The following JARID2 variants were observed in gnomAD, a reference collection of about 807,000 sequenced individuals.
JARID2 encodes the protein jumonji and AT-rich interaction domain containing 2.
JARID2 carries 21 observed loss-of-function variants against 125.6 expected under a neutral mutation model. The observed-to-expected ratio is 0.17, with a 90% CI of 0.12 to 0.24. The LOEUF is 0.24. Ranked by LOEUF, JARID2 falls within the 10% of genes least tolerant of loss-of-function variation. The pLI, the probability that JARID2 is intolerant of heterozygous loss-of-function variation, is 1.00. For synonymous variants in JARID2, 736 were observed against 661.6 expected (o/e 1.11, Z -1.73); for missense variants, 1,303 against 1,639.6 (o/e 0.79, Z 3.55).
chr6:15,507,376 T>C lies in JARID2; in HGVS notation c.2691T>C (p.Asn897=), dbSNP rs1000944394. 1.2e-6 allele frequency: 2 copies of C among 1,614,116 alleles called. No individual in the cohort carries two copies. Among genetic ancestry groups the C allele is most frequent in the Non-Finnish European group, 1.7e-6 (2 of 1,180,002 alleles). The change falls in exon 11 of 18, where the codon AAT becomes AAC. Residue 897 remains asparagine, a synonymous_variant. Coordinates refer to ENST00000341776, the MANE Select transcript of JARID2 (RefSeq NM_004973.4). ...GATGGAACCTCACCGTCCTCCCCAA[T>C]AACACAGGGTCCATCCTGCGTCACC... ...RHGWNLTVLP[N]NTGSILRHLG... is the part of the protein sequence containing the mutation.
At chr6:15,275,155 C>G (rs1172508311) in intron 1 of JARID2, among the ~76,000 whole-genome samples, 1 of 152,118 alleles carries the variant, frequency 6.6e-6, no homozygotes, top group Non-Finnish European at 1.5e-5. Flanking sequence ...TCTCTCCTTG[C>G]AAAATGTTTC....
intron 4 of JARID2, among the ~76,000 whole-genome samples, chr6:15,467,010 G>A (rs1393093526): frequency 1.3e-5 from 2 of 152,194 alleles, no homozygotes; most frequent in South Asian, 2.1e-4. Context: ...TCTTTTTGCC[G>A]ACTGTATCCC....
Position 15,496,544 on chromosome 6 carries a change from C to T in JARID2, c.1319C>T (p.Ser440Phe). 6.2e-7 allele frequency: 1 copy of T among 1,608,194 alleles called. No homozygotes were observed. The highest frequency in any genetic ancestry group is 8.5e-7 in the Non-Finnish European group (1 of 1,178,204). ...CAGCTGCGGGAGGGGCTGCGGAACTCCAAGAGGAGACTGGAAGAGGCACAC... is the reference window on the plus strand; with the variant it reads ...CAGCTGCGGGAGGGGCTGCGGAACTTCAAGAGGAGACTGGAAGAGGCACAC... The part of the protein sequence containing the change: ...GLQLREGLRN[S>F]KRRLEEAHQA... Residue 440 changes from serine to phenylalanine, a missense_variant, in exon 7 of 18, where the codon TCC becomes TTC. By Grantham distance (155) the Ser-to-Phe change is radical. Transcript: ENST00000341776.
intron 2 of JARID2, among the ~76,000 whole-genome samples, chr6:15,403,246 GT>G (rs1561839272): frequency 6.6e-6 from 1 of 152,100 alleles, no homozygotes; most frequent in African/African-American, 2.4e-5. Flanking sequence ...TTTGTGAGAG[GT>G]TTTGTGTTGA....
intron 1 of JARID2, among the ~76,000 whole-genome samples, chr6:15,320,848 CTCTCTGTGTGTGTGTG>C (rs1266128674): frequency 7.4e-6 from 1 of 135,044 alleles, no homozygotes; most frequent in African/African-American, 2.8e-5. Flanking sequence ...TTCTCTCTCT[CTCTCTGTGTGTGTGTG>C]TGTGTGTGTG....
intron 1 of JARID2, among the ~76,000 whole-genome samples, chr6:15,317,373 G>T (rs1762213986): frequency 6.6e-6 from 1 of 152,188 alleles, no homozygotes; most frequent in South Asian, 2.1e-4. Flanking sequence ...TTGTGTAACT[G>T]AGAGTCATTT....
chr6:15,493,281 A>G (rs1198799699), intron 6 of JARID2, among the ~76,000 whole-genome samples: 1 of 152,162 alleles, frequency 6.6e-6, no homozygotes, highest in Non-Finnish European at 1.5e-5. Context: ...CCCTTTCTTG[A>G]TCCTCACCAA....
At chr6:15,362,534 A>G (rs368692475) in intron 1 of JARID2, among the ~76,000 whole-genome samples, 13 of 152,332 alleles carry the variant, frequency 8.5e-5, no homozygotes, top group East Asian at 7.7e-4. Context: ...TTTTGCCCCT[A>G]TGAGATGCTC....
At chr6:15,459,136 A>G (rs750126112) in intron 4 of JARID2, among the ~76,000 whole-genome samples, 5 of 152,226 alleles carry the variant, frequency 3.3e-5, no homozygotes, top group African/African-American at 1.2e-4. Flanking sequence ...AGTCTATAGC[A>G]CATAGTTGTT....
chr6:15,449,341 C>T (rs1581580123), intron 3 of JARID2, among the ~76,000 whole-genome samples: 1 of 152,250 alleles, frequency 6.6e-6, no homozygotes, highest in East Asian at 1.9e-4. Context: ...ATCAGTTATT[C>T]CTGGGTTCTA....
At chr6:15,411,064 T>C (rs1028895587) in intron 3 of JARID2, among the ~76,000 whole-genome samples, 1 of 152,342 alleles carries the variant, frequency 6.6e-6, no homozygotes, top group East Asian at 1.9e-4. Context: ...ATACCTGATA[T>C]GTTACTTCCT....
chr6:15,437,681 G>C (rs1008135831), intron 3 of JARID2, among the ~76,000 whole-genome samples: 13 of 152,092 alleles, frequency 8.5e-5, no homozygotes, highest in African/African-American at 2.4e-5. Flanking sequence ...AAAGAAATGT[G>C]ACTCTAAGAG....
At chr6:15,511,190 G>C in intron 12 of JARID2, 106 bp from the exon 13 acceptor site, 2 of 685,866 alleles carry the variant, frequency 2.9e-6, no homozygotes, top group South Asian at 1.5e-5. Context: ...GCGTGGAGCA[G>C]AGCCTCTCGT....
chr6:15,317,618 A>T (rs955480843), intron 1 of JARID2, among the ~76,000 whole-genome samples: 2 of 151,332 alleles, frequency 1.3e-5, no homozygotes, highest in African/African-American at 4.9e-5. Context: ...ATGGGTCCAT[A>T]GTCCACTGCC....
intron 2 of JARID2, among the ~76,000 whole-genome samples, chr6:15,392,566 C>T (rs187914185): frequency 6.6e-6 from 1 of 152,090 alleles, no homozygotes; most frequent in East Asian, 1.9e-4. Flanking sequence ...CATTGCTACC[C>T]ATTAGAACTG....
At chr6:15,408,657 A>G (rs981412556) in intron 2 of JARID2, among the ~76,000 whole-genome samples, 4 of 152,268 alleles carry the variant, frequency 2.6e-5, no homozygotes, top group African/African-American at 2.4e-5. Flanking sequence ...CACAATTAAT[A>G]CAACATTGTC....
chr6:15,452,303 G>T, intron 4 of JARID2, 128 bp downstream of exon 4: 13 of 1,353,646 alleles, frequency 9.6e-6, no homozygotes, highest in Admixed American at 3.0e-5. Flanking sequence ...GGTTGAGGGG[G>T]AATTGAAAGT....
At chr6:15,252,474 T>G (rs561057513) in intron 1 of JARID2, among the ~76,000 whole-genome samples, 1 of 152,240 alleles carries the variant, frequency 6.6e-6, no homozygotes, top group East Asian at 1.9e-4. Context: ...ACATGTAAAG[T>G]GTGGATCAGT....
intron 5 of JARID2, among the ~76,000 whole-genome samples, chr6:15,469,361 C>CT (rs1213847761): frequency 1.2e-4 from 1 of 8,450 alleles, no homozygotes; most frequent in Non-Finnish European, 2.6e-4. Flanking sequence ...CTCTCTCTCT[C>CT]CTCCCCTTCT....
Sources: allele counts gnomAD v4.1 joint callset (sites outside exome capture counted in the v4.1 genomes callset), GRCh38; gene constraint gnomAD v4.1.1; transcripts MANE v1.5; gene names NCBI Gene and HGNC (gene_info 2026-07-23, HGNC 2026-07-21).